The following LNX2 variants were observed in gnomAD, a reference collection of about 807,000 sequenced individuals.
The protein encoded by LNX2 is ligand of numb-protein X 2.
In LNX2, 35 loss-of-function variants were observed where a neutral mutation model predicts 66.2. That is an observed-to-expected ratio of 0.53 (90% CI 0.40 to 0.70). The LOEUF is 0.70. LNX2 is among the 30% of genes least tolerant of loss of function. LNX2 has a pLI of 0.00. For missense variants in LNX2, 791 were observed against 850.8 expected, an observed-to-expected ratio of 0.93 and a Z score of 0.87; for synonymous variants, 337 against 315.6, an observed-to-expected ratio of 1.07 and a Z score of -0.72.
At chr13:27,566,139 T>C (rs1955202791) in intron 4 of LNX2, among the ~76,000 whole-genome samples, 1 of 152,310 alleles carries the variant, frequency 6.6e-6, no homozygotes, top group African/African-American at 2.4e-5. Context: ...CAATTCTCTG[T>C]AACTCATCAC....
chr13:27,550,155 C>A (rs534648121), intron 9 of LNX2, among the ~76,000 whole-genome samples, 178 bp downstream of exon 9: 60 of 152,278 alleles, frequency 3.9e-4, no homozygotes, highest in African/African-American at 1.3e-3. Flanking sequence ...GACATCAACT[C>A]CGCTGGTGTA....
intron 1 of LNX2, among the ~76,000 whole-genome samples, chr13:27,614,976 C>T (rs902337073): frequency 6.6e-6 from 1 of 152,106 alleles, no homozygotes; most frequent in African/African-American, 2.4e-5. Context: ...CAGTCATCAA[C>T]ACAGAATACT....
At chr13:27,585,217 A>G (rs1955470653) in intron 1 of LNX2, among the ~76,000 whole-genome samples, 1 of 151,754 alleles carries the variant, frequency 6.6e-6, no homozygotes, top group Non-Finnish European at 1.5e-5. Flanking sequence ...CGAGGTCAGG[A>G]GATCGAGACC....
chr13:27,582,391 T>C (rs995355844), intron 1 of LNX2, among the ~76,000 whole-genome samples: 4 of 152,136 alleles, frequency 2.6e-5, no homozygotes, highest in African/African-American at 7.2e-5. Context: ...ATAGATTATA[T>C]AGTGTGACAT....
rs111843093 is a variant in LNX2, at chr13:27,619,005, A to T, written c.-101+1370T>A. Reference sequence around the variant, plus strand: ...TTCCAAATGAGAAAACTGGGCAAGAAGCAACCCCCGCCATCAATGGCTGGC... The same window carrying T: ...TTCCAAATGAGAAAACTGGGCAAGATGCAACCCCCGCCATCAATGGCTGGC... On this transcript the variant is annotated intron_variant, in intron 1 of 9. Transcript: ENST00000316334. Among the ~76,000 whole-genome samples the T allele has an allele frequency of 5.1e-3, 773 of 152,352 alleles. 4 individuals are homozygous for T. Among genetic ancestry groups the T allele is most frequent in the African/African-American group, 0.018 (736 of 41,574 alleles).
intron 2 of LNX2, among the ~76,000 whole-genome samples, chr13:27,578,411 C>T (rs1955363600): frequency 6.6e-6 from 1 of 152,154 alleles, no homozygotes; most frequent in Non-Finnish European, 1.5e-5. Context: ...CGCAAACAGT[C>T]GTAGTAATCA....
At chr13:27,613,598 T>C (rs1034436582) in intron 1 of LNX2, among the ~76,000 whole-genome samples, 19 of 151,856 alleles carry the variant, frequency 1.3e-4, no homozygotes, top group African/African-American at 4.4e-4. Context: ...TGAAACACCA[T>C]CTCTACTAAA....
At chr13:27,571,219 T>C (rs895622621) in intron 2 of LNX2, among the ~76,000 whole-genome samples, 2 of 151,372 alleles carry the variant, frequency 1.3e-5, no homozygotes, top group African/African-American at 2.4e-5. Flanking sequence ...AGACAAAGAG[T>C]GCAAACTTAA....
At position 27,559,761 on chromosome 13, in the gene LNX2, C is replaced by CA. The variant is rs1021851788; in HGVS notation, c.1368+80dup. 3.4e-5 allele frequency: 46 copies of CA among 1,365,980 alleles called. No individual in the cohort carries two copies. In the African/African-American group the frequency reaches 6.3e-4, roughly 19 times the overall value. The allele number at this position is 1,365,980 out of a possible 1,614,324, so 84.6% of individuals were successfully genotyped here. On this transcript the variant is annotated intron_variant, in intron 6 of 9. Coordinates refer to ENST00000316334, the MANE Select transcript of LNX2 (RefSeq NM_153371.4). ...GCTTTATTGAGGTGTGACTGACACA[C>CA]AAAAAAACCTTCATTTAAATCTTAC...
At chr13:27,604,994 T>C (rs1955698979) in intron 1 of LNX2, among the ~76,000 whole-genome samples, 1 of 152,102 alleles carries the variant, frequency 6.6e-6, no homozygotes, top group Non-Finnish European at 1.5e-5. Context: ...AGATAAGTAT[T>C]ACAAGAAGGG....
In LNX2 at chr13:27,553,439, C is replaced by A. The variant is rs1197405940; in HGVS notation, c.1547G>T (p.Gly516Val). ...CLARDGRIKR[G>V]DVLLNINGID... ...GCCGTTGATATTTAGCAACACATCA[C>A]CTGTTCAGATGAAGAAACAAGAAAA... Residue 516 changes from glycine (G) to valine (V), a missense_variant and splice_region_variant, in exon 8 of 10, where the codon GGT (glycine) becomes GTT (valine). Physicochemically the swap from Gly to Val is moderately radical, Grantham distance 109. Transcript: ENST00000316334. The A allele has an allele frequency of 1.2e-6, 2 of 1,610,726 alleles. No individual in the cohort carries two copies. The highest frequency in any genetic ancestry group is 1.3e-5 in the African/African-American group (1 of 74,948).
At chr13:27,601,796 C>T (rs1460044713) in intron 1 of LNX2, among the ~76,000 whole-genome samples, 5 of 152,148 alleles carry the variant, frequency 3.3e-5, no homozygotes, top group African/African-American at 1.2e-4. Context: ...AAGCGATCCT[C>T]CCACTTCAGC....
intron 8 of LNX2, 35 bp from the exon 9 acceptor site, chr13:27,550,526 C>T (rs867823657): frequency 2.6e-6 from 4 of 1,554,430 alleles, no homozygotes; most frequent in Middle Eastern, 1.7e-4. Context: ...AAAAAATTAA[C>T]ATGGAGGCTT....
intron 1 of LNX2, among the ~76,000 whole-genome samples, chr13:27,596,937 G>C (rs1430880714): frequency 6.6e-6 from 1 of 152,290 alleles, no homozygotes; most frequent in Non-Finnish European, 1.5e-5. Flanking sequence ...GTCTAATAGA[G>C]AGTGCTTCTC....
At chr13:27,583,255 T>TGTGTGTGC (rs1555268514) in intron 1 of LNX2, among the ~76,000 whole-genome samples, 1 of 58,528 alleles carries the variant, frequency 1.7e-5, no homozygotes, top group Admixed American at 1.8e-4. Context: ...TGTGTGTGTG[T>TGTGTGTGC]GCGCGCGTCC....
intron 5 of LNX2, among the ~76,000 whole-genome samples, chr13:27,560,690 A>G (rs1484572964): frequency 6.6e-6 from 1 of 151,756 alleles, no homozygotes; most frequent in African/African-American, 2.4e-5. Context: ...TATTTTGAAC[A>G]TATGTTTACA....
chr13:27,621,045 G>C (rs747756670), upstream of LNX2: 1 of 153,270 alleles, frequency 6.5e-6, no homozygotes, highest in Non-Finnish European at 1.5e-5. Flanking sequence ...GCACCTGAGG[G>C]AGCACAGCGA....
intron 4 of LNX2, 91 bp downstream of exon 4, chr13:27,567,549 T>A (rs996744756): frequency 2.0e-6 from 2 of 989,912 alleles, no homozygotes; most frequent in African/African-American, 3.3e-5. Context: ...CTATATATAA[T>A]TTAGGTTCCA....
rs1470559463 is a variant in LNX2 at position 27,546,476 on chromosome 13, A to G, written c.*1859T>C. The G allele has an allele frequency of 6.6e-6, 1 of 152,200 alleles. No individual in the cohort carries two copies. The highest frequency in any genetic ancestry group is 2.4e-5 in the African/African-American group (1 of 41,456). 9.4% of individuals were successfully genotyped at this position (152,200 alleles called of 1,614,324 possible). A position where few individuals can be genotyped will look rare whatever the true frequency, so the allele number is the denominator to read the frequency against. ...TATACTGTATGGGCCATTCCACTGT[A>G]TCTTGTTATATGTTGATCATACAGT... is the stretch of plus-strand genomic sequence containing the variant. On this transcript the variant is annotated 3_prime_UTR_variant, in exon 10 of 10. Coordinates refer to ENST00000316334, the MANE Select transcript of LNX2 (RefSeq NM_153371.4).
Sources: allele counts gnomAD v4.1 joint callset (sites outside exome capture counted in the v4.1 genomes callset), GRCh38; gene constraint gnomAD v4.1.1; transcripts MANE v1.5; gene names NCBI Gene and HGNC (gene_info 2026-07-23, HGNC 2026-07-21).